Variants in DMD observed in about 807,000 individuals in gnomAD.
The protein encoded by DMD is dystrophin, also known as mutant dystrophin.
Under a neutral mutation model 330.1 loss-of-function variants are expected in DMD, and 63 were observed. The ratio of observed to expected loss-of-function variants is 0.19; its 90% CI spans 0.16 to 0.24. The LOEUF (loss-of-function observed/expected upper bound fraction) is 0.24, where lower values mean the gene tolerates loss of function less well. Among genes scored for constraint, DMD ranks in the 10% least tolerant of loss-of-function variants. The pLI, the probability that DMD is intolerant of heterozygous loss-of-function variation, is 1.00. For synonymous variants in DMD, 1,223 were observed against 959.8 expected, an observed-to-expected ratio of 1.27 and a Z score of -5.07; for missense variants, 3,344 against 2,684.1, an observed-to-expected ratio of 1.25 and a Z score of -5.43.
chrX:32,322,758 A>C (rs1286219825), intron 41 of DMD, among the ~76,000 whole-genome samples: 1 of 111,324 alleles, frequency 9.0e-6, no homozygotes, highest in Non-Finnish European at 1.9e-5. Context: ...TGGAAACAAT[A>C]GTAGCTTGAA....
At chrX:32,819,064 T>A (rs1348389101) in intron 5 of DMD, among the ~76,000 whole-genome samples, 1 of 91,815 alleles carries the variant, frequency 1.1e-5, no homozygotes, top group Non-Finnish European at 2.1e-5. Context: ...CCTGCCAAAC[T>A]CAACTCCGAA....
intron 30 of DMD, among the ~76,000 whole-genome samples, chrX:32,403,148 G>C (rs2098096475): frequency 8.9e-6 from 1 of 111,910 alleles, no homozygotes; most frequent in Non-Finnish European, 1.9e-5. Flanking sequence ...AACGCTGAAA[G>C]AAAAATAAAA....
rs955336037 is a variant in DMD, at chrX:32,075,506, T to C, written c.6439-106992A>G. On this transcript the variant is annotated intron_variant, in intron 44 of 78. Coordinates refer to ENST00000357033, the MANE Select transcript of DMD (RefSeq NM_004006.3). ...GCAGATACTTATTTTTTGACAAAAC[T>C]TTAATGTGAAGTTATTACAACTGTC... is the stretch of plus-strand genomic sequence containing the variant. Among the ~76,000 whole-genome samples the C allele has an allele frequency of 2.7e-5, 3 of 111,750 alleles. 1 individual carries two copies. Among genetic ancestry groups the C allele is most frequent in the Non-Finnish European group, 5.6e-5 (3 of 53,158 alleles).
At chrX:31,497,088 C>G (rs1225576494) in intron 56 of DMD, 144 bp from the exon 57 acceptor site, 10 of 733,371 alleles carry the variant, frequency 1.4e-5, no homozygotes, top group Non-Finnish European at 1.8e-5. Context: ...CTTTTGAGAG[C>G]CACAAAACAG....
intron 2 of DMD, among the ~76,000 whole-genome samples, chrX:32,978,435 T>C (rs57349216): frequency 0.051 from 5,696 of 112,012 alleles, 234 homozygotes; most frequent in South Asian, 0.16. Flanking sequence ...CTCCCTAAAA[T>C]AGCAAAATAG....
intron 47 of DMD, among the ~76,000 whole-genome samples, chrX:31,880,723 A>C (rs946223595): frequency 8.9e-6 from 1 of 112,072 alleles, no homozygotes; most frequent in African/African-American, 3.2e-5. Context: ...AATTCCTATT[A>C]CCTAGTGATG....
intron 47 of DMD, among the ~76,000 whole-genome samples, chrX:31,882,247 C>A (rs774520963): frequency 9.0e-6 from 1 of 111,702 alleles, no homozygotes; most frequent in South Asian, 3.7e-4. Context: ...GAGAACAAAT[C>A]ATCTATATAG....
rs375737892 is a variant in DMD, at chrX:31,246,028, C to A, written c.9286+14927G>T. 5.4e-5 allele frequency among the ~76,000 whole-genome samples: 6 copies of A among 111,964 alleles called. No individual in the cohort carries two copies. The South Asian group carries it at 2.3e-3, about 42-fold the overall frequency. On this transcript the variant is annotated intron_variant, in intron 63 of 78. Transcript: ENST00000357033. ...CAGACTGAAAGCTAGGCCTCTCATG[C>A]CAAACAGTCAAGTTGTGAATGCAAA...
chrX:32,092,855 C>A (rs1225778587), intron 44 of DMD, among the ~76,000 whole-genome samples: 1 of 101,650 alleles, frequency 9.8e-6, no homozygotes, highest in Non-Finnish European at 2.0e-5. Context: ...AATAAAACAT[C>A]AAGGTGTAAT....
At chrX:33,009,104 ATATATATGTGTATATATACGTATATATG>A (rs2093493477) in intron 2 of DMD, among the ~76,000 whole-genome samples, 2 of 10,439 alleles carry the variant, frequency 1.9e-4, no homozygotes, top group African/African-American at 2.5e-4. Context: ...GTATATATGT[ATATATATGTGTATATATACGTATATATG>A]TATATATATG....
Position 33,112,174 on chromosome X carries a change from A to C in DMD, c.32-91974T>G, listed in dbSNP as rs1280784463. Among the ~76,000 whole-genome samples the C allele has an allele frequency of 5.4e-5, 6 of 110,973 alleles. No homozygotes were observed. The South Asian group carries it at 1.9e-3, about 35-fold the overall frequency. On this transcript the variant is annotated intron_variant, in intron 1 of 78. Transcript: ENST00000357033. Reference sequence around the variant, plus strand: ...GAGAGATAGAGACCACATTCACATAACTTTTATCACAGTATATTGTTATAA... The same window carrying C: ...GAGAGATAGAGACCACATTCACATACCTTTTATCACAGTATATTGTTATAA...
At chrX:31,202,262 A>G (rs1477818771) in intron 67 of DMD, among the ~76,000 whole-genome samples, 1 of 112,439 alleles carries the variant, frequency 8.9e-6, no homozygotes, top group East Asian at 2.8e-4. Context: ...TTGTTTTATA[A>G]TTGGATTTTA....
At chrX:31,930,041 C>G (rs749735107) in intron 46 of DMD, among the ~76,000 whole-genome samples, 9 of 111,125 alleles carry the variant, frequency 8.1e-5, no homozygotes, top group African/African-American at 2.9e-4. Context: ...GTCTGAAAAC[C>G]TATCTCTCTA....
At chrX:33,227,853 A>G (rs1438035955) in intron 1 of DMD, among the ~76,000 whole-genome samples, 1 of 111,309 alleles carries the variant, frequency 9.0e-6, no homozygotes, top group East Asian at 2.8e-4. Flanking sequence ...GAGCCCCACA[A>G]TGAATATACT....
intron 43 of DMD, among the ~76,000 whole-genome samples, chrX:32,284,556 G>A (rs2097432357): frequency 9.0e-6 from 1 of 111,711 alleles, no homozygotes; most frequent in African/African-American, 3.3e-5. Context: ...CCATTATCGT[G>A]TTTAAGCAAC....
Position 32,550,203 on chromosome X carries a change from T to C in DMD, c.1993-4869A>G, listed in dbSNP as rs182249842. Among the ~76,000 whole-genome samples, 3 of 111,620 alleles carry C rather than the reference T, an allele frequency of 2.7e-5. No homozygotes were observed. In the East Asian group the frequency reaches 8.4e-4, roughly 31 times the overall value. On this transcript the variant is annotated intron_variant, in intron 16 of 78. Transcript: ENST00000357033. Reference sequence around the variant, plus strand: ...TTGTGTATCCAAACATATCGAAAGGTACAATAAAAATATGATATAGAGAGT... The same window carrying C: ...TTGTGTATCCAAACATATCGAAAGGCACAATAAAAATATGATATAGAGAGT...
chrX:32,349,228 A>G (rs147642815), intron 37 of DMD, among the ~76,000 whole-genome samples: 4,015 of 111,267 alleles, frequency 0.036, 166 homozygotes, highest in African/African-American at 0.12. Flanking sequence ...TCTAAACAAA[A>G]CCCTTGAAAA....
intron 60 of DMD, among the ~76,000 whole-genome samples, chrX:31,417,317 G>GA (rs1306237879): frequency 9.2e-6 from 1 of 108,558 alleles, no homozygotes; most frequent in Non-Finnish European, 1.9e-5. Flanking sequence ...TTTTGAGACG[G>GA]AGTCTCGCTC....
intron 2 of DMD, among the ~76,000 whole-genome samples, chrX:32,942,234 C>T (rs2090473582): frequency 8.9e-6 from 1 of 111,922 alleles, no homozygotes; most frequent in Non-Finnish European, 1.9e-5. Context: ...TGAGAGATTA[C>T]TGAGTGTAAG....
Sources: allele counts gnomAD v4.1 joint callset (sites outside exome capture counted in the v4.1 genomes callset), GRCh38; gene constraint gnomAD v4.1.1; transcripts MANE v1.5; gene names NCBI Gene and HGNC (gene_info 2026-07-23, HGNC 2026-07-21).